The following NTM variants were observed in gnomAD, a reference collection of about 807,000 sequenced individuals.
NTM encodes the protein neurotrimin.
Under a neutral mutation model 42.1 loss-of-function variants are expected in NTM, and 13 were observed. The observed-to-expected ratio is 0.31, with a 90% CI of 0.20 to 0.49. NTM has a LOEUF of 0.49. Ranked by LOEUF, NTM falls within the 20% of genes least tolerant of loss-of-function variation. The pLI, the probability that NTM is intolerant of heterozygous loss-of-function variation, is 0.99. For missense variants in NTM, 373 were observed against 452.8 expected, an observed-to-expected ratio of 0.82 and a Z score of 1.60; for synonymous variants, 187 against 179.2, an observed-to-expected ratio of 1.04 and a Z score of -0.35.
rs114176096 is a variant in NTM at position 132,223,384 on chromosome 11, G to A, written c.526+11237G>A. Among the ~76,000 whole-genome samples, 1,226 of 152,282 alleles carry A rather than the reference G, an allele frequency of 8.1e-3. 9 individuals are homozygous for A. The highest frequency in any genetic ancestry group is 0.027 in the African/African-American group (1,141 of 41,554). ...AGGGATTGTAGACTTAAATAGAGTG[G>A]TAGAATGGATTCATTAAGAAGATAC... On this transcript the variant is annotated intron_variant, in intron 4 of 8. Coordinates refer to ENST00000683400, the MANE Select transcript of NTM (RefSeq NM_001352005.2).
At chr11:131,574,893 T>A (rs2057786188) in intron 1 of NTM, among the ~76,000 whole-genome samples, 1 of 152,140 alleles carries the variant, frequency 6.6e-6, no homozygotes, top group South Asian at 2.1e-4. Context: ...TGAGGGGACC[T>A]TTGGGGCTAT....
Position 131,373,798 on chromosome 11 carries a change from T to C in NTM, c.82+2910T>C, listed in dbSNP as rs565176118. The stretch of plus-strand genomic sequence containing the variant: ...GATTTGCTTGGCTAGGTTCCTCTCT[T>C]ACCTTTCTCATTTCCTCACCTCTCC... On this transcript the variant is annotated intron_variant, in intron 1 of 8. Coordinates refer to ENST00000683400, the MANE Select transcript of NTM (RefSeq NM_001352005.2). 2.0e-4 allele frequency among the ~76,000 whole-genome samples: 31 copies of C among 152,340 alleles called. No individual in the cohort carries two copies. The South Asian group carries it at 6.2e-3, about 31-fold the overall frequency.
chr11:131,943,307 ACC>A, intron 2 of NTM, among the ~76,000 whole-genome samples: 1 of 152,256 alleles, frequency 6.6e-6, no homozygotes, highest in Middle Eastern at 3.4e-3. Flanking sequence ...TGGAAACTGC[ACC>A]CAAGTCATCA....
chr11:131,664,592 A>T (rs113569990), intron 1 of NTM, among the ~76,000 whole-genome samples: 37 of 152,130 alleles, frequency 2.4e-4, no homozygotes, highest in African/African-American at 8.2e-4. Context: ...TACCAAATGA[A>T]CACGCGCCAT....
intron 1 of NTM, among the ~76,000 whole-genome samples, chr11:131,756,028 A>G (rs1448868110): frequency 6.6e-6 from 1 of 152,212 alleles, no homozygotes; most frequent in African/African-American, 2.4e-5. Flanking sequence ...TGAGGCCTGG[A>G]CAGGAGACAA....
chr11:132,141,209 TTCTC>T (rs139288339), intron 2 of NTM: 3 of 151,636 alleles, frequency 2.0e-5, no homozygotes, highest in African/African-American at 7.3e-5. Flanking sequence ...AATTCCCAGG[TTCTC>T]TCTCTCTTTC....
intron 1 of NTM, among the ~76,000 whole-genome samples, chr11:131,755,468 T>G (rs998247355): frequency 7.2e-5 from 11 of 152,162 alleles, no homozygotes; most frequent in African/African-American, 2.7e-4. Flanking sequence ...CAAAAAATAC[T>G]GGATGACCAG....
At chr11:132,318,237 T>G (rs996825138) in intron 7 of NTM, among the ~76,000 whole-genome samples, 7 of 152,194 alleles carry the variant, frequency 4.6e-5, no homozygotes, top group African/African-American at 1.7e-4. Flanking sequence ...CAGTAGCTCT[T>G]TGGTCTTGGG....
intron 4 of NTM, among the ~76,000 whole-genome samples, chr11:132,274,762 C>T (rs1053615111): frequency 3.9e-5 from 6 of 152,038 alleles, no homozygotes; most frequent in Non-Finnish European, 8.8e-5. Context: ...GTTTATTGTG[C>T]TATTCAATGG....
intron 3 of NTM, among the ~76,000 whole-genome samples, chr11:132,190,736 TA>T (rs35431586): frequency 0.071 from 9,433 of 132,648 alleles, 984 homozygotes; most frequent in African/African-American, 0.23. Context: ...GAATCCATCT[TA>T]AAAAAAAAAA....
chr11:131,960,973 C>T (rs1230963819), intron 2 of NTM, among the ~76,000 whole-genome samples: 1 of 152,148 alleles, frequency 6.6e-6, no homozygotes, highest in Non-Finnish European at 1.5e-5. Flanking sequence ...GGGATTTGGA[C>T]AACAGCGTCT....
intron 8 of NTM, among the ~76,000 whole-genome samples, chr11:132,331,631 T>C (rs921905811): frequency 1.2e-4 from 19 of 152,290 alleles, no homozygotes; most frequent in Admixed American, 9.2e-4. Context: ...CAGACTCTGC[T>C]CTTAAGGAAC....
At chr11:132,264,474 A>G (rs966255386) in intron 4 of NTM, among the ~76,000 whole-genome samples, 6 of 152,150 alleles carry the variant, frequency 3.9e-5, no homozygotes, top group African/African-American at 1.4e-4. Flanking sequence ...ACTTTATTTT[A>G]TAGTATCATT....
chr11:131,491,559 G>A (rs1046992603), intron 1 of NTM, among the ~76,000 whole-genome samples: 2 of 152,026 alleles, frequency 1.3e-5, no homozygotes, highest in African/African-American at 4.8e-5. Context: ...CACTGATCTG[G>A]GCCCATGTTC....
chr11:131,721,257 T>G (rs2078294955), intron 1 of NTM, among the ~76,000 whole-genome samples: 1 of 152,150 alleles, frequency 6.6e-6, no homozygotes, highest in Non-Finnish European at 1.5e-5. Flanking sequence ...TATGTTACAA[T>G]GCTACCCTTA....
chr11:131,583,571 C>T (rs2058603684), intron 1 of NTM, among the ~76,000 whole-genome samples: 3 of 152,106 alleles, frequency 2.0e-5, no homozygotes, highest in African/African-American at 7.2e-5. Flanking sequence ...AGACACTGTG[C>T]TTTTTTGTGT....
intron 1 of NTM, among the ~76,000 whole-genome samples, chr11:131,450,927 C>T (rs1038464754): frequency 1.4e-4 from 22 of 151,740 alleles, no homozygotes; most frequent in Non-Finnish European, 2.5e-4. Flanking sequence ...TTCTCCAGAA[C>T]TTAGGAGTGC....
chr11:131,733,092 T>C (rs1397608577), intron 1 of NTM, among the ~76,000 whole-genome samples: 3 of 152,238 alleles, frequency 2.0e-5, no homozygotes, highest in Non-Finnish European at 4.4e-5. Flanking sequence ...GATAATGTTG[T>C]AAATAGTAGT....
At chr11:131,785,122 C>G (rs2088909472) in intron 1 of NTM, among the ~76,000 whole-genome samples, 2 of 152,064 alleles carry the variant, frequency 1.3e-5, no homozygotes, top group African/African-American at 4.8e-5. Flanking sequence ...AAAAGAAAAC[C>G]TGCAAGACAC....
Sources: gnomAD v4.1 joint callset for allele counts (sites outside exome capture counted in the v4.1 genomes callset) on GRCh38, gnomAD v4.1.1 for gene constraint, MANE v1.5 for transcripts, NCBI Gene and HGNC (gene_info 2026-07-23, HGNC 2026-07-21) for gene names.